ENPP1: variants seen among roughly 807,000 people sequenced by gnomAD.
ENPP1 encodes ectonucleotide pyrophosphatase/phosphodiesterase family member 1.
Under a neutral mutation model 122.8 loss-of-function variants are expected in ENPP1, and 73 were observed. That is an observed-to-expected ratio of 0.59 (90% CI 0.49 to 0.72). ENPP1 has a LOEUF of 0.72. ENPP1 is among the 30% of genes least tolerant of loss of function. The probability of loss-of-function intolerance (pLI) is 0.00; values close to 1 mark genes in which losing one functional copy is unlikely to be tolerated. For missense variants in ENPP1, 978 were observed against 1,128.1 expected (o/e 0.87, Z 1.91); for synonymous variants, 367 against 391.6 (o/e 0.94, Z 0.74).
At chr6:131,827,024 G>T in intron 1 of ENPP1, 1 of 539,882 alleles carries the variant, frequency 1.9e-6, no homozygotes, top group South Asian at 1.8e-5. Context: ...CCACATCTTT[G>T]AGGTTGACCA....
At chr6:131,842,870 G>A (rs1018821463) in intron 1 of ENPP1, among the ~76,000 whole-genome samples, 10 of 152,108 alleles carry the variant, frequency 6.6e-5, no homozygotes, top group African/African-American at 2.4e-4. Context: ...TTGTATTTGA[G>A]GGAATTGGTG....
chr6:131,824,193 CAGAAGCTGTGTACAT>C (rs1781516112), intron 1 of ENPP1, among the ~76,000 whole-genome samples: 1 of 151,884 alleles, frequency 6.6e-6, no homozygotes, highest in Non-Finnish European at 1.5e-5. Context: ...AAGTGCAGCC[CAGAAGCTGTGTACAT>C]AGCGAGGGGG....
At chr6:131,831,219 T>C (rs936605809) in intron 1 of ENPP1, among the ~76,000 whole-genome samples, 1 of 152,110 alleles carries the variant, frequency 6.6e-6, no homozygotes, top group Admixed American at 6.5e-5. Flanking sequence ...CTGTTTCTGT[T>C]TTCTCTTTTT....
In ENPP1 at chr6:131,879,906, C is replaced by T; in HGVS notation, c.1972C>T (p.Pro658Ser). 1 of 1,613,712 alleles carries T rather than the reference C, an allele frequency of 6.2e-7. No individual in the cohort carries two copies. The highest frequency in any genetic ancestry group is 1.3e-5 in the African/African-American group (1 of 75,010). ...GAAGATTATTAAGCATGAAACTTTA[C>T]CCTATGGAAGACCTAGAGTTCTCCA... is the stretch of plus-strand genomic sequence containing the variant. ...EEKIIKHETL[P>S]YGRPRVLQKE... The change falls in exon 20 of 25, where the codon CCC (proline) becomes TCC (serine). Residue 658 changes from proline (P) to serine (S), a missense_variant. Physicochemically the swap from Pro to Ser is moderately conservative, Grantham distance 74. Transcript: ENST00000647893.
At chr6:131,854,400 G>A (rs950237032) in intron 5 of ENPP1, among the ~76,000 whole-genome samples, 8 of 152,020 alleles carry the variant, frequency 5.3e-5, no homozygotes, top group Admixed American at 3.3e-4. Context: ...GGAACAGAGT[G>A]AGACTCTGTC....
intron 9 of ENPP1, among the ~76,000 whole-genome samples, chr6:131,862,874 CA>C (rs1782041527): frequency 6.6e-6 from 1 of 152,014 alleles, no homozygotes; most frequent in Admixed American, 6.6e-5. Context: ...AAAGGTAGAC[CA>C]GTCCTCAGGC....
At chr6:131,865,546 C>A (rs890107681) in intron 11 of ENPP1, among the ~76,000 whole-genome samples, 4 of 152,230 alleles carry the variant, frequency 2.6e-5, no homozygotes, top group Admixed American at 1.3e-4. Flanking sequence ...CAGCGCCTAG[C>A]TATGTTTTTA....
In ENPP1 at chr6:131,887,963, C is replaced by T. The variant is rs566307586; in HGVS notation, c.2607+1239C>T. Among the ~76,000 whole-genome samples the T allele has an allele frequency of 2.2e-4, 33 of 149,178 alleles. No individual in the cohort carries two copies. The South Asian group carries it at 5.5e-3, about 25-fold the overall frequency. ...GCAACCTCCGCTTCCCGGGCTCAAG[C>T]GATTCTCCTGCCTCAGCCTCCCGAA... On this transcript the variant is annotated intron_variant, in intron 24 of 24. Coordinates refer to ENST00000647893, the MANE Select transcript of ENPP1 (RefSeq NM_006208.3).
intron 1 of ENPP1, among the ~76,000 whole-genome samples, chr6:131,821,906 A>G (rs1366479271): frequency 1.3e-5 from 2 of 152,224 alleles, no homozygotes; most frequent in Non-Finnish European, 2.9e-5. Flanking sequence ...TCCTTGGCCC[A>G]GAGTTTATTC....
chr6:131,852,223 A>G lies in ENPP1; in HGVS notation c.605A>G (p.Gln202Arg). The change falls in exon 5 of 25, where the codon CAG (glutamine) becomes CGG (arginine). Residue 202 changes from glutamine (Q) to arginine (R), a missense_variant. By Grantham distance (43) the Gln-to-Arg change is conservative. Transcript: ENST00000647893. Reference sequence around the variant, plus strand: ...CCATGTGAGAGCATTAATGAGCCACAGTGCCCAGCAGGGTAAGATTATATT... The same window carrying G: ...CCATGTGAGAGCATTAATGAGCCACGGTGCCCAGCAGGGTAAGATTATATT... ...EEPCESINEP[Q>R]CPAGFETPPT... 1 of 1,602,420 alleles carries G rather than the reference A, an allele frequency of 6.2e-7. No homozygotes were observed. Among genetic ancestry groups the G allele is most frequent in the Non-Finnish European group, 8.5e-7 (1 of 1,173,226 alleles).
chr6:131,808,254 C>G lies in ENPP1; in HGVS notation c.219C>G (p.Asn73Lys), dbSNP rs1163116799. ...AARARTAKDPNTYKVLSLVLS... is the reference protein window; with the variant it reads ...AARARTAKDPKTYKVLSLVLS... ...GCGCCCGCACTGCCAAGGACCCCAA[C>G]ACCTATAAAGTACTCTCGCTGGTAG... The change falls in exon 1 of 25, where the codon AAC (asparagine) becomes AAG (lysine). Residue 73 changes from asparagine (N) to lysine (K), a missense_variant. Coordinates refer to ENST00000647893, the MANE Select transcript of ENPP1 (RefSeq NM_006208.3). The G allele has an allele frequency of 6.6e-7, 1 of 1,518,370 alleles. No homozygotes were observed. The highest frequency in any genetic ancestry group is 8.8e-7 in the Non-Finnish European group (1 of 1,132,528). The allele number at this position is 1,518,370 out of a possible 1,614,324, so 94.1% of individuals were successfully genotyped here.
At chr6:131,818,417 C>T (rs779824513) in intron 1 of ENPP1, among the ~76,000 whole-genome samples, 9 of 151,872 alleles carry the variant, frequency 5.9e-5, no homozygotes, top group African/African-American at 9.7e-5. Context: ...GAGGCCGAGG[C>T]GGGTGGATCA....
rs1049437245 is a variant in ENPP1 at position 131,847,909 on chromosome 6, C to G, written c.313+61C>G. The G allele has an allele frequency of 2.5e-6, 3 of 1,219,758 alleles. No individual in the cohort carries two copies. The African/African-American group carries it at 4.4e-5, about 18-fold the overall frequency. 75.6% of individuals were successfully genotyped at this position (1,219,758 alleles called of 1,614,324 possible). On this transcript the variant is annotated intron_variant, in intron 2 of 24. Transcript: ENST00000647893. ...TGTGTGTGTGTATGTGTGTGCACAG[C>G]CTTATTAAGAATGTGATTGAGGTAA... is the stretch of plus-strand genomic sequence containing the variant.
intron 6 of ENPP1, among the ~76,000 whole-genome samples, chr6:131,855,576 T>C (rs1053602294): frequency 1.3e-5 from 2 of 152,158 alleles, no homozygotes; most frequent in Non-Finnish European, 2.9e-5. Context: ...TCCACCCACC[T>C]TGGCCTTCCA....
intron 20 of ENPP1, among the ~76,000 whole-genome samples, chr6:131,881,021 T>G (rs887568428): frequency 6.6e-6 from 1 of 152,060 alleles, no homozygotes; most frequent in Non-Finnish European, 1.5e-5. Flanking sequence ...ATTTTGATCT[T>G]ACGTGGAATT....
At chr6:131,867,997 G>T (rs1455823809) in intron 11 of ENPP1, 21 bp from the exon 12 acceptor site, 11 of 1,497,478 alleles carry the variant, frequency 7.3e-6, no homozygotes, top group South Asian at 6.8e-5. Flanking sequence ...ATCACATGAG[G>T]TTGTTGCTTC....
At chr6:131,867,227 T>C (rs530552053) in intron 11 of ENPP1, among the ~76,000 whole-genome samples, 2 of 152,338 alleles carry the variant, frequency 1.3e-5, no homozygotes, top group South Asian at 4.1e-4. Flanking sequence ...GTGAAAGAGC[T>C]TATCTCATAT....
At chr6:131,813,850 C>T (rs1230302236) in intron 1 of ENPP1, among the ~76,000 whole-genome samples, 1 of 152,088 alleles carries the variant, frequency 6.6e-6, no homozygotes, top group Non-Finnish European at 1.5e-5. Context: ...TGGTCGAGGG[C>T]TTTGGATTTT....
intron 2 of ENPP1, among the ~76,000 whole-genome samples, chr6:131,848,563 T>C (rs1001172896): frequency 3.2e-4 from 49 of 152,292 alleles, no homozygotes; most frequent in African/African-American, 1.1e-3. Context: ...TCATGTACTG[T>C]TGAAAAGTAG....
Sources: allele counts gnomAD v4.1 joint callset (sites outside exome capture counted in the v4.1 genomes callset), GRCh38; gene constraint gnomAD v4.1.1; transcripts MANE v1.5; gene names NCBI Gene and HGNC (gene_info 2026-07-23, HGNC 2026-07-21).